The following CELF2 variants were observed in gnomAD, a reference collection of about 807,000 sequenced individuals.
CELF2 encodes the protein CUG triplet repeat RNA-binding protein 2.
A neutral mutation model predicts 62.6 loss-of-function variants in CELF2; 8 were observed. The observed-to-expected ratio is 0.13, with a 90% CI of 0.07 to 0.23. The LOEUF (loss-of-function observed/expected upper bound fraction) is 0.23. CELF2 is among the 10% of genes least tolerant of loss of function. The pLI, the probability that CELF2 is intolerant of heterozygous loss-of-function variation, is 1.00. For missense variants in CELF2, 333 were observed against 671.0 expected (o/e 0.50, Z 5.56); for synonymous variants, 258 against 250.0 (o/e 1.03, Z -0.30).
chr10:10,982,686 C>G (rs79735895), intron 2 of CELF2, among the ~76,000 whole-genome samples: 1,570 of 152,260 alleles, frequency 0.01, 25 homozygotes, highest in African/African-American at 0.035. Context: ...AGTTGGTTCC[C>G]TTCTAAACTA....
the CELF2 span, among the ~76,000 whole-genome samples, chr10:10,651,825 C>T: frequency 1.1e-4 from 17 of 151,800 alleles, no homozygotes; most frequent in African/African-American, 4.1e-4. Context: ...CTCTCCTCCT[C>T]CAAAGGAACG....
chr10:10,597,824 G>A, the CELF2 span, among the ~76,000 whole-genome samples: 1 of 152,202 alleles, frequency 6.6e-6, no homozygotes, highest in African/African-American at 2.4e-5. Context: ...TATAGATAAA[G>A]CAACACATTT....
chr10:11,009,968 T>C (rs756972769), intron 1 of CELF2, among the ~76,000 whole-genome samples: 4 of 152,222 alleles, frequency 2.6e-5, no homozygotes, highest in Non-Finnish European at 5.9e-5. Flanking sequence ...TTCTAGCAGG[T>C]CTGTGAACTG....
the CELF2 span, among the ~76,000 whole-genome samples, chr10:10,585,501 G>A: frequency 6.6e-6 from 1 of 152,196 alleles, no homozygotes; most frequent in Non-Finnish European, 1.5e-5. Context: ...GGTTTCAGCT[G>A]ATTGTGTTAG....
In CELF2 at chr10:11,018,260, C is replaced by T. The variant is rs541453948; in HGVS notation, c.74+97C>T. 2.4e-5 allele frequency: 25 copies of T among 1,031,718 alleles called. 1 individual carries two copies. In the South Asian group the frequency reaches 3.8e-4, roughly 16 times the overall value. 63.9% of individuals were successfully genotyped at this position (1,031,718 alleles called of 1,614,324 possible). A position where few individuals can be genotyped will look rare whatever the true frequency, so the allele number is the denominator to read the frequency against. ...GGGCGTCGCCCGCAGCTCCCGGGCG[C>T]GACTCGGCCGCTTCGGATCCGTCGC... is the stretch of plus-strand genomic sequence containing the variant. On this transcript the variant is annotated intron_variant, in intron 1 of 12. Transcript: ENST00000633077.
At chr10:10,913,329 GA>G (rs58837176) in intron 1 of CELF2, among the ~76,000 whole-genome samples, 11,426 of 124,936 alleles carry the variant, frequency 0.091, 955 homozygotes, top group African/African-American at 0.24. Context: ...CACCACACAA[GA>G]AAAAAAATTA....
At chr10:11,266,898 A>G (rs2082305250) in intron 6 of CELF2, among the ~76,000 whole-genome samples, 1 of 152,046 alleles carries the variant, frequency 6.6e-6, no homozygotes, top group African/African-American at 2.4e-5. Context: ...AAAACCTTCC[A>G]CTTGCTCTCC....
chr10:11,286,188 A>G (rs1233136267), intron 8 of CELF2, among the ~76,000 whole-genome samples: 1 of 152,228 alleles, frequency 6.6e-6, no homozygotes, highest in African/African-American at 2.4e-5. Context: ...CAAGTGGGCC[A>G]GCTGAGCCAG....
the CELF2 span, among the ~76,000 whole-genome samples, chr10:10,596,501 A>C: frequency 6.6e-6 from 1 of 152,120 alleles, no homozygotes; most frequent in Non-Finnish European, 1.5e-5. Context: ...TCTGTGCAGG[A>C]GGAGACCCAG....
chr10:11,085,110 T>C (rs7898576), intron 1 of CELF2, among the ~76,000 whole-genome samples: 39,235 of 152,194 alleles, frequency 0.26, 5,350 homozygotes, highest in Middle Eastern at 0.31. Flanking sequence ...ATTGAGAATA[T>C]GGCAGTGATT....
chr10:11,137,460 T>C (rs1481690074), intron 1 of CELF2, among the ~76,000 whole-genome samples: 2 of 152,220 alleles, frequency 1.3e-5, no homozygotes, highest in East Asian at 3.8e-4. Context: ...CAGATGGTTT[T>C]GTGTACATGT....
At chr10:10,642,968 C>T in the CELF2 span, among the ~76,000 whole-genome samples, 1 of 152,392 alleles carries the variant, frequency 6.6e-6, no homozygotes, top group South Asian at 2.1e-4. Context: ...CATTCCTCAT[C>T]TGTGTCTGTG....
chr10:10,738,874 T>C, the CELF2 span, among the ~76,000 whole-genome samples: 2 of 152,214 alleles, frequency 1.3e-5, no homozygotes, highest in South Asian at 2.1e-4. Context: ...CCGTGGACTT[T>C]AGTTAATAAT....
At chr10:10,706,740 G>A in the CELF2 span, among the ~76,000 whole-genome samples, 1 of 152,164 alleles carries the variant, frequency 6.6e-6, no homozygotes, top group African/African-American at 2.4e-5. Context: ...GTGGTTAGTG[G>A]CAGAGTCAAG....
Position 11,290,822 on chromosome 10 carries a change from G to A in CELF2, c.976+2270G>A, listed in dbSNP as rs2092417316. On this transcript the variant is annotated intron_variant, in intron 9 of 12. Transcript: ENST00000633077. This position sits in a 1 kb window ranked among gnomAD's most constrained non-coding sequence, Gnocchi z 4.3. ...CTGAGGAATGCTTTGCATAATAACTGAAAGTATTTTATTAGAATCCTAAAG... is the reference window on the plus strand; with the variant it reads ...CTGAGGAATGCTTTGCATAATAACTAAAAGTATTTTATTAGAATCCTAAAG... 6.6e-6 allele frequency among the ~76,000 whole-genome samples: 1 copy of A among 152,166 alleles called. No individual in the cohort carries two copies. The highest frequency in any genetic ancestry group is 2.1e-4 in the South Asian group (1 of 4,836).
chr10:11,031,213 T>C lies in CELF2; in HGVS notation c.74+13050T>C, dbSNP rs145774681. ...AGTTGATGACCTTATGCAGTATCCT[T>C]TCTACAGTAACATCCGTTTTTACTC... On this transcript the variant is annotated intron_variant, in intron 1 of 12. Coordinates refer to ENST00000633077, the MANE Select transcript of CELF2 (RefSeq NM_001326342.2). 2.7e-4 allele frequency among the ~76,000 whole-genome samples: 41 copies of C among 152,342 alleles called. No homozygotes were observed. In the East Asian group the frequency reaches 7.1e-3, roughly 27 times the overall value.
chr10:11,179,490 T>G (rs1039274917), intron 2 of CELF2, among the ~76,000 whole-genome samples: 8 of 152,312 alleles, frequency 5.3e-5, no homozygotes, highest in Non-Finnish European at 1.0e-4. Flanking sequence ...AGCTGCAGAT[T>G]GAACGAATGA....
chr10:10,643,388 TC>T, the CELF2 span, among the ~76,000 whole-genome samples: 1 of 152,052 alleles, frequency 6.6e-6, no homozygotes, highest in East Asian at 1.9e-4. Context: ...AAAGCGCAGT[TC>T]CCCTGCACAT....
intron 1 of CELF2, among the ~76,000 whole-genome samples, chr10:11,128,565 T>G (rs1189632909): frequency 3.9e-5 from 6 of 152,230 alleles, no homozygotes; most frequent in Non-Finnish European, 8.8e-5. Flanking sequence ...AGTGGTTGTT[T>G]GTAGTTCTCC....
Sources: gnomAD v4.1 joint callset for allele counts (sites outside exome capture counted in the v4.1 genomes callset) on GRCh38, gnomAD v4.1.1 for gene constraint, Gnocchi (gnomAD v3.1) non-coding constraint, MANE v1.5 for transcripts, NCBI Gene and HGNC (gene_info 2026-07-23, HGNC 2026-07-21) for gene names.